The following NKAIN2 variants were observed in gnomAD, a reference collection of about 807,000 sequenced individuals.
NKAIN2 encodes the protein sodium/potassium-transporting ATPase subunit beta-1-interacting protein 2.
In NKAIN2, 14 loss-of-function variants were observed where a neutral mutation model predicts 32.6. That is an observed-to-expected ratio of 0.43 (90% CI 0.28 to 0.67). The LOEUF is 0.67. Ranked by LOEUF, NKAIN2 falls within the 30% of genes least tolerant of loss-of-function variation. The pLI, the probability that NKAIN2 is intolerant of heterozygous loss-of-function variation, is 0.17. For missense variants in NKAIN2, 198 were observed against 258.3 expected, an observed-to-expected ratio of 0.77 and a Z score of 1.60; for synonymous variants, 80 against 87.2, an observed-to-expected ratio of 0.92 and a Z score of 0.46.
chr6:124,417,971 C>T (rs954832336), intron 3 of NKAIN2, among the ~76,000 whole-genome samples: 1 of 152,110 alleles, frequency 6.6e-6, no homozygotes, highest in African/African-American at 2.4e-5. Flanking sequence ...GAAATTCTTC[C>T]ATTCCCCATT....
intron 2 of NKAIN2, among the ~76,000 whole-genome samples, chr6:124,298,173 TA>T (rs1227779096): frequency 2.0e-5 from 3 of 152,050 alleles, no homozygotes; most frequent in Non-Finnish European, 2.9e-5. Context: ...AACTAAGAGA[TA>T]AAAAAAATTA....
chr6:124,052,265 A>G (rs992131949), intron 1 of NKAIN2, among the ~76,000 whole-genome samples: 8 of 152,192 alleles, frequency 5.3e-5, no homozygotes, highest in Non-Finnish European at 1.2e-4. Flanking sequence ...AAGGATTGGA[A>G]CCAAGCTTTT....
chr6:124,639,701 C>T (rs1583566254), intron 3 of NKAIN2, among the ~76,000 whole-genome samples: 1 of 152,102 alleles, frequency 6.6e-6, no homozygotes, highest in East Asian at 1.9e-4. Context: ...GAAACCTTGT[C>T]ATTCATGAAA....
chr6:124,357,502 A>G (rs1414587717), intron 3 of NKAIN2, among the ~76,000 whole-genome samples: 1 of 152,044 alleles, frequency 6.6e-6, no homozygotes, highest in East Asian at 1.9e-4. Context: ...AAGAATGTAA[A>G]CCATTGTTTT....
At chr6:124,443,044 C>G (rs943919498) in intron 3 of NKAIN2, among the ~76,000 whole-genome samples, 1 of 151,990 alleles carries the variant, frequency 6.6e-6, no homozygotes, top group Non-Finnish European at 1.5e-5. Flanking sequence ...ATTGTGTAGC[C>G]TATAAGGTAT....
intron 4 of NKAIN2, among the ~76,000 whole-genome samples, chr6:124,712,111 C>T (rs1267265516): frequency 6.6e-6 from 1 of 151,522 alleles, no homozygotes; most frequent in Non-Finnish European, 1.5e-5. Context: ...CTGGGGGGTG[C>T]CTCCCAGTTA....
chr6:124,132,743 C>G (rs1463411454), intron 1 of NKAIN2, among the ~76,000 whole-genome samples: 2 of 152,336 alleles, frequency 1.3e-5, no homozygotes, highest in East Asian at 3.9e-4. Context: ...GTGTTAATAT[C>G]CACAGCTAGG....
intron 1 of NKAIN2, among the ~76,000 whole-genome samples, chr6:123,947,802 A>T (rs1456773762): frequency 1.3e-5 from 2 of 152,080 alleles, no homozygotes; most frequent in Non-Finnish European, 2.9e-5. Context: ...TATACAATAG[A>T]TTGTTGTTAA....
At chr6:124,105,533 G>A (rs1785079022) in intron 1 of NKAIN2, among the ~76,000 whole-genome samples, 1 of 152,174 alleles carries the variant, frequency 6.6e-6, no homozygotes. Flanking sequence ...AAATTGGGCA[G>A]AGAGAGACAC....
At chr6:124,098,217 T>C (rs983436556) in intron 1 of NKAIN2, among the ~76,000 whole-genome samples, 1 of 152,236 alleles carries the variant, frequency 6.6e-6, no homozygotes, top group East Asian at 1.9e-4. Context: ...GTATCATCCT[T>C]ATTAGACTTT....
chr6:124,307,044 T>C (rs1796533515), intron 2 of NKAIN2, among the ~76,000 whole-genome samples: 1 of 152,164 alleles, frequency 6.6e-6, no homozygotes. Flanking sequence ...TTAAATGAGT[T>C]CTGTTACCAC....
chr6:124,223,183 A>C lies in NKAIN2; in HGVS notation c.55-59822A>C, dbSNP rs540190617. ...AGTGGAGATTGCGCCACTGTACTCC[A>C]GCCTGGGCGACAGTGTGAGACTCCA... On this transcript the variant is annotated intron_variant, in intron 1 of 6. Transcript: ENST00000368417. Among the ~76,000 whole-genome samples, 304 of 134,740 alleles carry C rather than the reference A, an allele frequency of 2.3e-3. 3 individuals are homozygous for C. Among genetic ancestry groups the C allele is most frequent in the African/African-American group, 8.1e-3 (298 of 36,628 alleles). 88.4% of individuals were successfully genotyped at this position (134,740 alleles called of 152,430 possible). A position where few individuals can be genotyped will look rare whatever the true frequency, so the allele number is the denominator to read the frequency against.
chr6:124,806,032 C>T (rs1225890491), intron 5 of NKAIN2, among the ~76,000 whole-genome samples: 22 of 151,416 alleles, frequency 1.5e-4, no homozygotes, highest in Middle Eastern at 3.4e-3. Context: ...CTGAAAGTGA[C>T]GGGGAGAACG....
chr6:124,706,123 C>T (rs1013376082), intron 4 of NKAIN2, among the ~76,000 whole-genome samples: 3 of 152,148 alleles, frequency 2.0e-5, no homozygotes, highest in Non-Finnish European at 4.4e-5. Flanking sequence ...TTCCATTGGT[C>T]TGTTCCAGTA....
chr6:124,623,252 A>G (rs1457735860), intron 3 of NKAIN2, among the ~76,000 whole-genome samples: 1 of 152,080 alleles, frequency 6.6e-6, no homozygotes, highest in Non-Finnish European at 1.5e-5. Context: ...TTTAAGTGAT[A>G]TCATTCACCT....
chr6:124,774,572 T>C (rs771686343), intron 4 of NKAIN2, among the ~76,000 whole-genome samples: 14 of 152,056 alleles, frequency 9.2e-5, no homozygotes, highest in East Asian at 5.8e-4. Context: ...TGTCAACACC[T>C]TGGCTGGGCA....
At chr6:124,281,249 C>T (rs146382412) in intron 1 of NKAIN2, among the ~76,000 whole-genome samples, 82 of 152,190 alleles carry the variant, frequency 5.4e-4, no homozygotes, top group African/African-American at 1.9e-3. Flanking sequence ...TAAAATAAGG[C>T]GGAGAGGGTT....
chr6:124,337,216 G>T (rs184582998), intron 2 of NKAIN2, among the ~76,000 whole-genome samples: 1 of 152,056 alleles, frequency 6.6e-6, no homozygotes, highest in Admixed American at 6.5e-5. Flanking sequence ...AAAAATACTC[G>T]CTGGGTGTGG....
intron 3 of NKAIN2, among the ~76,000 whole-genome samples, chr6:124,378,007 G>A (rs181996298): frequency 6.6e-6 from 1 of 152,188 alleles, no homozygotes; most frequent in East Asian, 1.9e-4. Context: ...TGTCAACCCT[G>A]CTGGCTGTGT....
Sources: allele counts gnomAD v4.1 joint callset (sites outside exome capture counted in the v4.1 genomes callset), GRCh38; gene constraint gnomAD v4.1.1; transcripts MANE v1.5; gene names NCBI Gene and HGNC (gene_info 2026-07-23, HGNC 2026-07-21).